Variants in EPHA6 observed in about 807,000 individuals in gnomAD.
EPHA6 encodes the protein EPH receptor A6.
In EPHA6, 50 loss-of-function variants were observed where a neutral mutation model predicts 112.0. The observed-to-expected ratio is 0.45, with a 90% confidence interval of 0.36 to 0.56. EPHA6 has a LOEUF of 0.56. Ranked by LOEUF, EPHA6 falls within the 20% of genes least tolerant of loss-of-function variation. The pLI, the probability that EPHA6 is intolerant of heterozygous loss-of-function variation, is 0.00. For missense variants in EPHA6, 1,280 were observed against 1,417.4 expected, an observed-to-expected ratio of 0.90 and a Z score of 1.56; for synonymous variants, 529 against 490.7, an observed-to-expected ratio of 1.08 and a Z score of -1.03.
In EPHA6 at chr3:97,756,666, A is replaced by C. The variant is rs1168475936; in HGVS notation, c.*7965A>C. Among the ~76,000 whole-genome samples, 2 of 151,912 alleles carry C rather than the reference A, an allele frequency of 1.3e-5. No individual in the cohort carries two copies. Among genetic ancestry groups the C allele is most frequent in the African/African-American group, 2.4e-5 (1 of 41,440 alleles). On this transcript the variant is annotated 3_prime_UTR_variant, in exon 18 of 18. Transcript: ENST00000389672. ...TTACCAAAAAAATGTAGCTTTGATA[A>C]AATTTTATGGTTTTTAGGCCTCTTA...
At chr3:97,746,140 A>T (rs1358311168) in intron 16 of EPHA6, among the ~76,000 whole-genome samples, 1 of 151,886 alleles carries the variant, frequency 6.6e-6, no homozygotes, top group Non-Finnish European at 1.5e-5. Flanking sequence ...ACTTTATAAA[A>T]CTTAAAAAAC....
intron 9 of EPHA6, among the ~76,000 whole-genome samples, chr3:97,483,194 C>T (rs1212957828): frequency 6.6e-6 from 1 of 152,214 alleles, no homozygotes; most frequent in Non-Finnish European, 1.5e-5. Flanking sequence ...TACAACCACA[C>T]ATTAATGTTT....
rs147359048 is a variant in EPHA6 at position 97,125,451 on chromosome 3, T to C, written c.1115-100813T>C. 5.0e-3 allele frequency among the ~76,000 whole-genome samples: 757 copies of C among 152,266 alleles called. 6 individuals carry two copies. Among genetic ancestry groups the C allele is most frequent in the African/African-American group, 0.016 (669 of 41,568 alleles). ...AGGAATATTTCTATAAAATTTAAGA[T>C]CACATCTGTTATCACTATACATATT... is the stretch of plus-strand genomic sequence containing the variant. On this transcript the variant is annotated intron_variant, in intron 3 of 17. Coordinates refer to ENST00000389672, the MANE Select transcript of EPHA6 (RefSeq NM_001080448.3).
intron 14 of EPHA6, among the ~76,000 whole-genome samples, chr3:97,667,766 T>A (rs995285987): frequency 1.9e-4 from 29 of 152,242 alleles, no homozygotes; most frequent in African/African-American, 7.0e-4. Context: ...CAGATCAAAA[T>A]TCTATCCCCA....
At chr3:97,089,560 C>A (rs1376835298) in intron 3 of EPHA6, among the ~76,000 whole-genome samples, 1 of 152,130 alleles carries the variant, frequency 6.6e-6, no homozygotes, top group East Asian at 1.9e-4. Flanking sequence ...TCTCAGAAAT[C>A]TGTCATTTTC....
intron 3 of EPHA6, among the ~76,000 whole-genome samples, chr3:97,076,661 G>C (rs1338427899): frequency 1.3e-5 from 2 of 152,144 alleles, no homozygotes; most frequent in Admixed American, 1.3e-4. Flanking sequence ...ATGCTCTCTA[G>C]AACTTTTACA....
At chr3:97,371,621 T>C (rs1453421978) in intron 5 of EPHA6, among the ~76,000 whole-genome samples, 1 of 152,114 alleles carries the variant, frequency 6.6e-6, no homozygotes, top group Non-Finnish European at 1.5e-5. Flanking sequence ...CTGGGCACCT[T>C]GAAAAAAGAA....
At chr3:97,309,258 C>T (rs1391755982) in intron 5 of EPHA6, among the ~76,000 whole-genome samples, 1 of 151,528 alleles carries the variant, frequency 6.6e-6, no homozygotes. Flanking sequence ...ATTTTTCCCC[C>T]AACACTGTCT....
At chr3:97,177,259 T>C (rs2076861775) in intron 3 of EPHA6, among the ~76,000 whole-genome samples, 1 of 151,974 alleles carries the variant, frequency 6.6e-6, no homozygotes. Context: ...TGATTTCAGT[T>C]TTTTGAAGGT....
At chr3:97,226,488 A>G (rs2078360031) in intron 4 of EPHA6, 69 bp downstream of exon 4, 2 of 1,379,810 alleles carry the variant, frequency 1.4e-6, no homozygotes, top group East Asian at 4.7e-5. Context: ...TCTAAATTTA[A>G]AAAATAAGTA....
At chr3:97,043,584 C>G (rs971671967) in intron 3 of EPHA6, among the ~76,000 whole-genome samples, 1 of 152,094 alleles carries the variant, frequency 6.6e-6, no homozygotes, top group Non-Finnish European at 1.5e-5. Flanking sequence ...AAAGCAGGCT[C>G]CACAGCTGGA....
chr3:97,393,104 T>C (rs1023919076), intron 5 of EPHA6, among the ~76,000 whole-genome samples: 1 of 151,832 alleles, frequency 6.6e-6, no homozygotes, highest in Non-Finnish European at 1.5e-5. Context: ...GTAGGCCAAA[T>C]GATTGATTTT....
intron 5 of EPHA6, among the ~76,000 whole-genome samples, chr3:97,298,539 C>A (rs1010852400): frequency 1.6e-4 from 25 of 152,086 alleles, no homozygotes; most frequent in Non-Finnish European, 2.5e-4. Context: ...ACTCCTGGAT[C>A]CTTCTTTAAA....
intron 5 of EPHA6, among the ~76,000 whole-genome samples, chr3:97,366,990 A>G (rs183256297): frequency 2.4e-4 from 36 of 152,272 alleles, no homozygotes; most frequent in African/African-American, 8.2e-4. Context: ...CTGCAGGAGG[A>G]GATATTACCA....
chr3:96,849,205 C>T (rs1200543915), intron 1 of EPHA6, among the ~76,000 whole-genome samples: 1 of 151,966 alleles, frequency 6.6e-6, no homozygotes, highest in Admixed American at 6.6e-5. Flanking sequence ...CTGATTAGGT[C>T]TTAAATATTA....
At chr3:97,349,921 A>C (rs1256472936) in intron 5 of EPHA6, among the ~76,000 whole-genome samples, 2 of 151,870 alleles carry the variant, frequency 1.3e-5, no homozygotes, top group East Asian at 3.9e-4. Flanking sequence ...TAACACTCTT[A>C]GTTGAGAAAC....
intron 1 of EPHA6, among the ~76,000 whole-genome samples, chr3:96,830,975 G>A (rs2034033189): frequency 3.3e-5 from 5 of 151,672 alleles, no homozygotes; most frequent in Admixed American, 3.3e-4. Context: ...CATTTTATAT[G>A]TATATATATA....
chr3:96,843,833 A>T (rs1182242797), intron 1 of EPHA6, among the ~76,000 whole-genome samples: 1 of 152,102 alleles, frequency 6.6e-6, no homozygotes, highest in Non-Finnish European at 1.5e-5. Flanking sequence ...GTTAACAATA[A>T]TAAGAAATAT....
chr3:96,941,223 C>G (rs1484793896), intron 2 of EPHA6, among the ~76,000 whole-genome samples: 1 of 152,210 alleles, frequency 6.6e-6, no homozygotes, highest in Non-Finnish European at 1.5e-5. Context: ...CTCCCCGTCA[C>G]TTTCAGATAC....
Sources: allele counts gnomAD v4.1 joint callset (sites outside exome capture counted in the v4.1 genomes callset), GRCh38; gene constraint gnomAD v4.1.1; transcripts MANE v1.5; gene names NCBI Gene and HGNC (gene_info 2026-07-23, HGNC 2026-07-21).